SLCO3A1: variants seen among roughly 807,000 people sequenced by gnomAD.
SLCO3A1 encodes PGE1 transporter.
SLCO3A1 carries 27 observed loss-of-function variants against 63.1 expected under a neutral mutation model. The ratio of observed to expected loss-of-function variants is 0.43; its 90% CI spans 0.32 to 0.59. The LOEUF (loss-of-function observed/expected upper bound fraction) is 0.59, where lower values mean the gene tolerates loss of function less well. SLCO3A1 is among the 20% of genes least tolerant of loss of function. The pLI, the probability that SLCO3A1 is intolerant of heterozygous loss-of-function variation, is 0.09. For synonymous variants in SLCO3A1, 473 were observed against 409.9 expected (o/e 1.15, Z -1.86); for missense variants, 773 against 945.8 (o/e 0.82, Z 2.40).
chr15:92,146,356 A>G (rs1016161768), intron 7 of SLCO3A1, among the ~76,000 whole-genome samples: 3 of 152,192 alleles, frequency 2.0e-5, no homozygotes, highest in Non-Finnish European at 4.4e-5. Context: ...AAATGTATCT[A>G]TCTTGTTGGG....
chr15:91,856,875 A>G lies in SLCO3A1; in HGVS notation c.180+2787A>G, dbSNP rs1192484083. 6.6e-6 allele frequency among the ~76,000 whole-genome samples: 1 copy of G among 152,146 alleles called. No homozygotes were observed. The highest frequency in any genetic ancestry group is 1.5e-5 in the Non-Finnish European group (1 of 68,032). On this transcript the variant is annotated intron_variant, in intron 1 of 9. Coordinates refer to ENST00000318445, the MANE Select transcript of SLCO3A1 (RefSeq NM_013272.4). The surrounding 1 kb of genome is among the most constrained non-coding windows in gnomAD (Gnocchi z 4.9). ...GTCCACCTTCTTATTTCATCTCCCC[A>G]GGTGCCTTAAAATATTGCAGTTTCA...
intron 1 of SLCO3A1, among the ~76,000 whole-genome samples, chr15:91,855,330 T>G (rs1896889647): frequency 6.6e-6 from 1 of 152,182 alleles, no homozygotes; most frequent in Non-Finnish European, 1.5e-5. Context: ...CAAGCAGTGC[T>G]TGGTCTCCGG....
At chr15:91,943,899 G>T (rs777748941) in intron 2 of SLCO3A1, among the ~76,000 whole-genome samples, 4 of 152,072 alleles carry the variant, frequency 2.6e-5, no homozygotes, top group Non-Finnish European at 5.9e-5. Context: ...CTACCCTCTG[G>T]TGACTGCCTC....
chr15:92,097,269 A>C (rs907186268), intron 3 of SLCO3A1, among the ~76,000 whole-genome samples: 2 of 152,164 alleles, frequency 1.3e-5, no homozygotes, highest in African/African-American at 2.4e-5. Flanking sequence ...GATGTCCCCA[A>C]TCCAAGGAAT....
downstream of SLCO3A1, among the ~76,000 whole-genome samples, chr15:92,170,576 CG>C (rs1276410679): frequency 3.9e-5 from 6 of 152,166 alleles, no homozygotes; most frequent in African/African-American, 1.4e-4. Context: ...ACAAAGCCCC[CG>C]AAGTTAGAAC....
At chr15:92,120,337 ACCTCT>A in intron 4 of SLCO3A1, 123 bp from the exon 5 acceptor site, 1 of 859,544 alleles carries the variant, frequency 1.2e-6, no homozygotes, top group South Asian at 2.2e-5. Context: ...GCAACTGGGT[ACCTCT>A]GGATGCTGTT....
chr15:91,856,850 GT>G lies in SLCO3A1; in HGVS notation c.180+2763del, dbSNP rs1203216504. Among the ~76,000 whole-genome samples the G allele has an allele frequency of 6.6e-6, 1 of 152,122 alleles. No individual in the cohort carries two copies. The highest frequency in any genetic ancestry group is 1.5e-5 in the Non-Finnish European group (1 of 68,026). On this transcript the variant is annotated intron_variant, in intron 1 of 9. Transcript: ENST00000318445. The surrounding 1 kb of genome is among the most constrained non-coding windows in gnomAD (Gnocchi z 4.9). ...TGTTATTTCCTATTAGATTCCCAGA[GT>G]CCACCTTCTTATTTCATCTCCCCAG...
At chr15:91,965,170 G>A (rs143735205) in intron 2 of SLCO3A1, among the ~76,000 whole-genome samples, 28 of 152,238 alleles carry the variant, frequency 1.8e-4, no homozygotes, top group South Asian at 6.2e-4. Flanking sequence ...GTGCCCTAGA[G>A]AACAGGAGAA....
intron 1 of SLCO3A1, among the ~76,000 whole-genome samples, chr15:91,868,152 A>G (rs1266129926): frequency 1.3e-5 from 2 of 151,942 alleles, no homozygotes; most frequent in Admixed American, 1.3e-4. Context: ...CCTGGGTTCA[A>G]GTAGTTCTCC....
rs1897608335 is a variant in SLCO3A1 at position 91,882,309 on chromosome 15, C to T, written c.180+28221C>T. 6.6e-6 allele frequency among the ~76,000 whole-genome samples: 1 copy of T among 152,164 alleles called. No individual in the cohort carries two copies. ...TTGCTGAGTGGAATTGTGGACAAAC[C>T]ATTCACACTCCTTAAATGGTATATA... On this transcript the variant is annotated intron_variant, in intron 1 of 9. Transcript: ENST00000318445. This position sits in a 1 kb window ranked among gnomAD's most constrained non-coding sequence, Gnocchi z 4.4.
rs117946461 is a variant in SLCO3A1, at chr15:91,993,101, T to G, written c.646+76643T>G. ...AGCCTCCACTTGGTTTCAGCCAGTCTTATCTCCTAAGTACAGCACTGATTG... is the reference window on the plus strand; with the variant it reads ...AGCCTCCACTTGGTTTCAGCCAGTCGTATCTCCTAAGTACAGCACTGATTG... On this transcript the variant is annotated intron_variant, in intron 2 of 9. Coordinates refer to ENST00000318445, the MANE Select transcript of SLCO3A1 (RefSeq NM_013272.4). Among the ~76,000 whole-genome samples, 4 of 152,314 alleles carry G rather than the reference T, an allele frequency of 2.6e-5. No homozygotes were observed. The East Asian group carries it at 7.7e-4, about 29-fold the overall frequency.
At chr15:92,092,683 T>C (rs776058579) in intron 2 of SLCO3A1, among the ~76,000 whole-genome samples, 1 of 152,120 alleles carries the variant, frequency 6.6e-6, no homozygotes, top group African/African-American at 2.4e-5. Context: ...TCAGATCCTC[T>C]TCCTGCTGCT....
intron 1 of SLCO3A1, among the ~76,000 whole-genome samples, chr15:91,857,543 C>T (rs578257908): frequency 6.6e-6 from 1 of 152,038 alleles, no homozygotes; most frequent in Non-Finnish European, 1.5e-5. Context: ...GTTTTGGCTT[C>T]GAGTGGCTCC....
chr15:91,929,510 A>G (rs1346416374), intron 2 of SLCO3A1, among the ~76,000 whole-genome samples: 1 of 152,346 alleles, frequency 6.6e-6, no homozygotes, highest in South Asian at 2.1e-4. Context: ...TGACAGGTTC[A>G]TATTTCCAGT....
chr15:91,913,053 T>G (rs1898534685), intron 1 of SLCO3A1, among the ~76,000 whole-genome samples: 1 of 152,238 alleles, frequency 6.6e-6, no homozygotes, highest in South Asian at 2.1e-4. Flanking sequence ...GCCCAGACCC[T>G]TCAGACAGAA....
intron 2 of SLCO3A1, among the ~76,000 whole-genome samples, chr15:92,084,023 T>C (rs2047377430): frequency 6.6e-6 from 1 of 152,242 alleles, no homozygotes; most frequent in South Asian, 2.1e-4. Flanking sequence ...CTCTCTACGC[T>C]TGGTTTATCC....
At chr15:91,982,041 G>A (rs1376993237) in intron 2 of SLCO3A1, among the ~76,000 whole-genome samples, 4 of 152,276 alleles carry the variant, frequency 2.6e-5, no homozygotes, top group Non-Finnish European at 2.9e-5. Context: ...GCCCACAGCT[G>A]CAAAGTCCTT....
intron 1 of SLCO3A1, among the ~76,000 whole-genome samples, chr15:91,893,701 C>T (rs981956990): frequency 3.2e-4 from 48 of 152,308 alleles, no homozygotes; most frequent in Middle Eastern, 3.4e-3. Context: ...CTCAAACATC[C>T]GTGGGTGGTT....
chr15:92,156,366 T>C (rs2048371903), intron 9 of SLCO3A1, among the ~76,000 whole-genome samples: 1 of 152,190 alleles, frequency 6.6e-6, no homozygotes, highest in Non-Finnish European at 1.5e-5. Context: ...GGACCTCACC[T>C]CCTGATGTAC....
Sources: allele counts gnomAD v4.1 joint callset (sites outside exome capture counted in the v4.1 genomes callset), GRCh38; gene constraint gnomAD v4.1.1; non-coding constraint Gnocchi (gnomAD v3.1); transcripts MANE v1.5; gene names NCBI Gene and HGNC (gene_info 2026-07-23, HGNC 2026-07-21).